Variants in NREP observed in about 807,000 individuals in gnomAD.
The protein encoded by NREP is neuronal regeneration related protein, also known as neuronal regeneration-related protein.
A neutral mutation model predicts 8.6 loss-of-function variants in NREP; 5 were observed. The observed-to-expected ratio is 0.58, with a 90% CI of 0.30 to 1.22. NREP has a LOEUF of 1.22. Among genes scored for constraint, NREP ranks in the 50% most tolerant of loss-of-function variants. The pLI is 0.07. For missense variants in NREP, 86 were observed against 82.5 expected (o/e 1.04, Z -0.17); for synonymous variants, 27 against 28.0 (o/e 0.96, Z 0.11).
chr5:111,822,620 G>A (rs955131564), intron 2 of NREP, among the ~76,000 whole-genome samples: 6 of 152,106 alleles, frequency 3.9e-5, no homozygotes, highest in East Asian at 1.9e-4. Context: ...AAGTGAATAC[G>A]CTCTAGGAAA....
intron 2 of NREP, among the ~76,000 whole-genome samples, chr5:111,767,051 T>G (rs1320740356): frequency 6.6e-6 from 1 of 152,172 alleles, no homozygotes; most frequent in East Asian, 1.9e-4. Context: ...AGAATTTGAA[T>G]GCACACGTGA....
chr5:111,962,951 C>T (rs867649789), intron 2 of NREP, among the ~76,000 whole-genome samples: 7 of 152,224 alleles, frequency 4.6e-5, no homozygotes, highest in African/African-American at 1.2e-4. Flanking sequence ...TTCAAGTGTC[C>T]ATGCAACTTC....
chr5:111,945,677 T>G (rs1755958173), intron 2 of NREP, among the ~76,000 whole-genome samples: 2 of 151,946 alleles, frequency 1.3e-5, no homozygotes, highest in African/African-American at 4.8e-5. Context: ...GAACTAGGAA[T>G]GTAAGAACTG....
chr5:111,891,769 A>C (rs1754400570), intron 2 of NREP, among the ~76,000 whole-genome samples: 1 of 152,138 alleles, frequency 6.6e-6, no homozygotes, highest in South Asian at 2.1e-4. Flanking sequence ...CATTCTTTTA[A>C]ACAGCCAGAT....
chr5:111,837,378 T>A (rs1446343092), intron 2 of NREP, among the ~76,000 whole-genome samples: 1 of 152,002 alleles, frequency 6.6e-6, no homozygotes, highest in African/African-American at 2.4e-5. Context: ...ACTGTCCAAG[T>A]TGTAAAAATC....
chr5:111,758,072 AAG>A, upstream of NREP: 1 of 985,508 alleles, frequency 1.0e-6, no homozygotes, highest in Non-Finnish European at 1.2e-6. Context: ...CAGACACACA[AAG>A]AGTCCGCGAA....
At chr5:111,875,212 T>C (rs1257888800) in intron 2 of NREP, among the ~76,000 whole-genome samples, 2 of 152,166 alleles carry the variant, frequency 1.3e-5, no homozygotes, top group Non-Finnish European at 2.9e-5. Flanking sequence ...TAGAATTTTA[T>C]CTTTCTAAAA....
rs1013788224 is a variant in NREP, at chr5:111,976,801, C to T, written c.-62G>A. ...TTTAAAGGACAAAGAAGCTTCTTGC[C>T]GGGAGTTGGCCAGACAGCTCAGGAC... On this transcript the variant is annotated 5_prime_UTR_variant, in exon 1 of 4. Coordinates refer to the NREP transcript ENST00000395634. 43 of 1,450,832 alleles carry T rather than the reference C, an allele frequency of 3.0e-5. No homozygotes were observed. The Admixed American group carries it at 3.4e-4, about 11-fold the overall frequency. The allele number at this position is 1,450,832 out of a possible 1,614,324, so 89.9% of individuals were successfully genotyped here.
chr5:111,789,873 T>C (rs1045206472), intron 2 of NREP, among the ~76,000 whole-genome samples: 6 of 152,120 alleles, frequency 3.9e-5, no homozygotes, highest in African/African-American at 1.4e-4. Flanking sequence ...ATGGAAGAGC[T>C]TCCTTGTAAT....
At chr5:111,966,533 T>C (rs1180190419) in intron 2 of NREP, among the ~76,000 whole-genome samples, 1 of 152,154 alleles carries the variant, frequency 6.6e-6, no homozygotes, top group African/African-American at 2.4e-5. Context: ...CTACCTTTCC[T>C]GCTTCTAAAA....
At chr5:111,839,224 G>T (rs979932445) in intron 2 of NREP, among the ~76,000 whole-genome samples, 1 of 151,912 alleles carries the variant, frequency 6.6e-6, no homozygotes, top group African/African-American at 2.4e-5. Flanking sequence ...AGGATAAATC[G>T]GCTTAAAAAA....
chr5:111,735,586 C>T (rs1359836747), intron 2 of NREP, 79 bp from the exon 3 acceptor site: 1 of 917,088 alleles, frequency 1.1e-6, no homozygotes, highest in Non-Finnish European at 1.8e-6. Flanking sequence ...CCTTAATGAG[C>T]TCAATTCTCC....
At chr5:111,955,443 C>T (rs1756285260) in intron 2 of NREP, among the ~76,000 whole-genome samples, 2 of 138,240 alleles carry the variant, frequency 1.4e-5, no homozygotes, top group South Asian at 4.8e-4. Flanking sequence ...CAAATTTGGC[C>T]ATAAACTACA....
rs1753166282 is a variant in NREP, at chr5:111,846,347, TG to T, written c.136-110841del. On this transcript the variant is annotated intron_variant, in intron 2 of 3. Transcript: ENST00000395634. ...GGACTCTCCTCATTTTTAGTTTCTC[TG>T]TTTTCTGCAGGTAAATTTTATTTGG... The T allele has an allele frequency of 2.6e-5, 4 of 153,422 alleles. No individual in the cohort carries two copies. The South Asian group carries it at 8.3e-4, about 32-fold the overall frequency. The allele number at this position is 153,422 out of a possible 1,614,324, so 9.5% of individuals were successfully genotyped here.
At chr5:111,956,278 A>G (rs1394787219) in intron 2 of NREP, among the ~76,000 whole-genome samples, 2 of 152,156 alleles carry the variant, frequency 1.3e-5, no homozygotes, top group South Asian at 4.1e-4. Flanking sequence ...TAAACAACAG[A>G]CATAACTCAC....
intron 2 of NREP, among the ~76,000 whole-genome samples, chr5:111,737,625 A>G (rs544078750): frequency 6.6e-6 from 1 of 152,128 alleles, no homozygotes; most frequent in East Asian, 1.9e-4. Flanking sequence ...TAAAACCACC[A>G]AAGTCTAATT....
chr5:111,917,854 G>C (rs1755108879), intron 2 of NREP, among the ~76,000 whole-genome samples: 1 of 152,140 alleles, frequency 6.6e-6, no homozygotes, highest in African/African-American at 2.4e-5. Flanking sequence ...GGAAGTTCTG[G>C]CCAGGGCAAT....
At chr5:111,968,865 C>T (rs1756719875) in intron 2 of NREP, among the ~76,000 whole-genome samples, 1 of 152,176 alleles carries the variant, frequency 6.6e-6, no homozygotes, top group Non-Finnish European at 1.5e-5. Context: ...AAGTCATAAC[C>T]CCTCAGCATG....
chr5:111,946,231 CT>C (rs1417020814), intron 2 of NREP, among the ~76,000 whole-genome samples: 1 of 147,348 alleles, frequency 6.8e-6, no homozygotes, highest in Non-Finnish European at 1.5e-5. Context: ...TAGTTTCTTT[CT>C]AAAAAAAAAA....
Sources: gnomAD v4.1 joint callset for allele counts (sites outside exome capture counted in the v4.1 genomes callset) on GRCh38, gnomAD v4.1.1 for gene constraint, MANE v1.5 for transcripts, NCBI Gene and HGNC (gene_info 2026-07-23, HGNC 2026-07-21) for gene names.